The following NLGN1 variants were observed in gnomAD, a reference collection of about 807,000 sequenced individuals.
NLGN1 encodes neuroligin 1, also known as neuroligin-1.
Under a neutral mutation model 65.5 loss-of-function variants are expected in NLGN1, and 12 were observed. The observed-to-expected ratio is 0.18, with a 90% CI of 0.12 to 0.30. The LOEUF is 0.30. Among genes scored for constraint, NLGN1 ranks in the 10% least tolerant of loss-of-function variants. NLGN1 has a pLI of 1.00. For synonymous variants in NLGN1, 350 were observed against 359.5 expected (o/e 0.97, Z 0.30); for missense variants, 750 against 1,007.1 (o/e 0.74, Z 3.46).
At chr3:173,451,614 G>C (rs1456011342) in intron 2 of NLGN1, among the ~76,000 whole-genome samples, 2 of 152,178 alleles carry the variant, frequency 1.3e-5, no homozygotes, top group African/African-American at 2.4e-5. Context: ...TAAGTCTGCA[G>C]AGGTTATTGC....
At chr3:173,591,561 T>G (rs560678906) in intron 2 of NLGN1, among the ~76,000 whole-genome samples, 1 of 152,246 alleles carries the variant, frequency 6.6e-6, no homozygotes, top group Non-Finnish European at 1.5e-5. Flanking sequence ...ACACAAAGGT[T>G]TAACTACCCA....
At chr3:173,840,980 G>A (rs1310304466) in intron 4 of NLGN1, among the ~76,000 whole-genome samples, 2 of 152,024 alleles carry the variant, frequency 1.3e-5, no homozygotes, top group Admixed American at 1.3e-4. Flanking sequence ...TGTAAATACT[G>A]TAGATGTCAA....
At chr3:173,539,988 T>TG (rs1425210860) in intron 2 of NLGN1, among the ~76,000 whole-genome samples, 16 of 151,302 alleles carry the variant, frequency 1.1e-4, no homozygotes, top group African/African-American at 3.9e-4. Flanking sequence ...AACTTTATAA[T>TG]GGTTTACTGG....
At position 173,816,110 on chromosome 3, in the gene NLGN1, T is replaced by G. The variant is rs116687775; in HGVS notation, c.646+8278T>G. The stretch of plus-strand genomic sequence containing the variant: ...AATAATAGTTATAATTAAATCTATA[T>G]CTAATTATAATTGTCAAATACTATA... On this transcript the variant is annotated intron_variant, in intron 4 of 6. Transcript: ENST00000457714. Among the ~76,000 whole-genome samples the G allele has an allele frequency of 7.7e-3, 1,152 of 150,428 alleles. 18 individuals carry two copies. The highest frequency in any genetic ancestry group is 0.025 in the African/African-American group (1,041 of 41,226).
At chr3:174,077,097 A>T (rs1024988784) in intron 4 of NLGN1, among the ~76,000 whole-genome samples, 1 of 152,136 alleles carries the variant, frequency 6.6e-6, no homozygotes. Context: ...AATTTGCCTT[A>T]TGTATCTTAC....
chr3:173,915,855 T>C (rs1740627589), intron 4 of NLGN1, among the ~76,000 whole-genome samples: 1 of 152,172 alleles, frequency 6.6e-6, no homozygotes, highest in African/African-American at 2.4e-5. Context: ...TTTTTCATAT[T>C]TATGCTCATA....
intron 4 of NLGN1, among the ~76,000 whole-genome samples, chr3:174,133,612 GTACAAGGT>G (rs1421090415): frequency 1.3e-5 from 2 of 152,058 alleles, no homozygotes; most frequent in Non-Finnish European, 2.9e-5. Flanking sequence ...TACGCAAATA[GTACAAGGT>G]AGGTCAGAGC....
chr3:173,513,545 ATGT>A (rs1019378453), intron 2 of NLGN1, among the ~76,000 whole-genome samples: 3 of 152,270 alleles, frequency 2.0e-5, no homozygotes, highest in Non-Finnish European at 4.4e-5. Context: ...AATCTAAGAA[ATGT>A]TGTTGATTTT....
intron 3 of NLGN1, among the ~76,000 whole-genome samples, chr3:173,758,628 C>G (rs1777486005): frequency 6.6e-6 from 1 of 151,920 alleles, no homozygotes; most frequent in Non-Finnish European, 1.5e-5. Flanking sequence ...ATGTCTTGCT[C>G]TGACTTTTGT....
In NLGN1 at chr3:174,010,218, C is replaced by T. The variant is rs117997925; in HGVS notation, c.646+202386C>T. Among the ~76,000 whole-genome samples the T allele has an allele frequency of 8.1e-4, 124 of 152,278 alleles. 2 individuals carry two copies. The East Asian group carries it at 0.021, about 26-fold the overall frequency. Reference sequence around the variant, plus strand: ...AACTCTATAATGCTTTAGGCCAACTCAGTCTCTGAAGCTCAAATGAGCATA... The same window carrying T: ...AACTCTATAATGCTTTAGGCCAACTTAGTCTCTGAAGCTCAAATGAGCATA... On this transcript the variant is annotated intron_variant, in intron 4 of 6. Transcript: ENST00000457714.
Position 174,213,009 on chromosome 3 carries a change from A to C in NLGN1, c.647-62306A>C, listed in dbSNP as rs149654184. Among the ~76,000 whole-genome samples the C allele has an allele frequency of 3.0e-3, 458 of 152,330 alleles. 1 individual carries two copies. Among genetic ancestry groups the C allele is most frequent in the African/African-American group, 7.8e-3 (324 of 41,588 alleles). On this transcript the variant is annotated intron_variant, in intron 4 of 6. Transcript: ENST00000457714. Reference sequence around the variant, plus strand: ...ATTAGACCCACCTGGATAATCCAGGATACTATCCTTATTTAAAAGTCAGTT... The same window carrying C: ...ATTAGACCCACCTGGATAATCCAGGCTACTATCCTTATTTAAAAGTCAGTT...
intron 2 of NLGN1, among the ~76,000 whole-genome samples, chr3:173,544,828 C>T (rs1202351225): frequency 6.6e-6 from 1 of 152,000 alleles, no homozygotes; most frequent in Non-Finnish European, 1.5e-5. Context: ...GGAACCTCAA[C>T]ATTAAAGACA....
At chr3:173,485,043 T>C (rs956407456) in intron 2 of NLGN1, among the ~76,000 whole-genome samples, 2 of 147,930 alleles carry the variant, frequency 1.4e-5, no homozygotes, top group African/African-American at 2.5e-5. Context: ...CAGTTCCACA[T>C]GCTTGGGGAG....
At position 173,400,500 on chromosome 3, in the gene NLGN1, G is replaced by A. The variant is rs995070511; in HGVS notation, c.-390+2013G>A. ...ACACTACATACCATTTTAGGATTTT[G>A]TGGTTTGCTTATGCTAATCTTTCTT... is the stretch of plus-strand genomic sequence containing the variant. On this transcript the variant is annotated intron_variant, in intron 1 of 6. Transcript: ENST00000457714. 2.6e-5 allele frequency among the ~76,000 whole-genome samples: 4 copies of A among 152,112 alleles called. No individual in the cohort carries two copies. The South Asian group carries it at 8.3e-4, about 32-fold the overall frequency.
At chr3:173,436,883 A>G (rs1037896276) in intron 2 of NLGN1, among the ~76,000 whole-genome samples, 2 of 152,184 alleles carry the variant, frequency 1.3e-5, no homozygotes, top group Admixed American at 6.5e-5. Flanking sequence ...TCCAGCTCTA[A>G]CTGTACTCCA....
At chr3:173,473,305 A>C (rs1440057325) in intron 2 of NLGN1, among the ~76,000 whole-genome samples, 1 of 152,206 alleles carries the variant, frequency 6.6e-6, no homozygotes, top group Non-Finnish European at 1.5e-5. Flanking sequence ...CAGCAAGAGT[A>C]CCTGGCCTTT....
chr3:173,816,246 C>A (rs1220082694), intron 4 of NLGN1, among the ~76,000 whole-genome samples: 2 of 151,880 alleles, frequency 1.3e-5, no homozygotes, highest in Non-Finnish European at 2.9e-5. Context: ...GACTTATATT[C>A]CAAAATTTGT....
intron 5 of NLGN1, among the ~76,000 whole-genome samples, chr3:174,276,886 T>C (rs920993418): frequency 4.6e-5 from 7 of 151,854 alleles, no homozygotes; most frequent in African/African-American, 1.7e-4. Context: ...CTAATGCCAC[T>C]ATGTAGCTAA....
In NLGN1 at chr3:174,091,997, T is replaced by C. The variant is rs1319003558; in HGVS notation, c.647-183318T>C. Reference sequence around the variant, plus strand: ...AATAAATCTCTGACCCTCTCCCAGCTTATAATCTTTCAACATATAAAGATA... The same window carrying C: ...AATAAATCTCTGACCCTCTCCCAGCCTATAATCTTTCAACATATAAAGATA... On this transcript the variant is annotated intron_variant, in intron 4 of 6. Transcript: ENST00000457714. 2.0e-5 allele frequency among the ~76,000 whole-genome samples: 3 copies of C among 152,330 alleles called. No homozygotes were observed. In the East Asian group the frequency reaches 5.8e-4, roughly 29 times the overall value.
Sources: allele counts gnomAD v4.1 joint callset (sites outside exome capture counted in the v4.1 genomes callset), GRCh38; gene constraint gnomAD v4.1.1; transcripts MANE v1.5; gene names NCBI Gene and HGNC (gene_info 2026-07-23, HGNC 2026-07-21).